Variants in ETV6 observed in about 807,000 individuals in gnomAD.
ETV6 encodes ETS variant transcription factor 6, also known as transcription factor ETV6.
Under a neutral mutation model 51.1 loss-of-function variants are expected in ETV6, and 16 were observed. The ratio of observed to expected loss-of-function variants is 0.31; its 90% CI spans 0.21 to 0.48. The LOEUF is 0.48. Ranked by LOEUF, ETV6 falls within the 20% of genes least tolerant of loss-of-function variation. The probability of loss-of-function intolerance (pLI) is 0.99; values close to 1 mark genes in which losing one functional copy is unlikely to be tolerated. For missense variants in ETV6, 458 were observed against 594.8 expected (o/e 0.77, Z 2.39); for synonymous variants, 240 against 224.1 (o/e 1.07, Z -0.64).
intron 4 of ETV6, among the ~76,000 whole-genome samples, chr12:11,866,651 A>G (rs1489603310): frequency 6.6e-6 from 1 of 152,198 alleles, no homozygotes; most frequent in Non-Finnish European, 1.5e-5. Flanking sequence ...ATTCTGGGGT[A>G]ACAAACAGCC....
chr12:11,746,790 C>CTTTTTT (rs56135545), intron 1 of ETV6, among the ~76,000 whole-genome samples: 1 of 118,682 alleles, frequency 8.4e-6, no homozygotes, highest in African/African-American at 3.1e-5. Flanking sequence ...CTCTCTCTCT[C>CTTTTTT]TTTTTTTTTT....
Position 11,728,365 on chromosome 12 carries a change from A to G in ETV6, c.34-24085A>G, listed in dbSNP as rs567473818. Among the ~76,000 whole-genome samples, 11 of 152,232 alleles carry G rather than the reference A, an allele frequency of 7.2e-5. No homozygotes were observed. In the South Asian group the frequency reaches 1.4e-3, roughly 20 times the overall value. On this transcript the variant is annotated intron_variant, in intron 1 of 7. Coordinates refer to ENST00000396373, the MANE Select transcript of ETV6 (RefSeq NM_001987.5). ...CCTTTTAGGAACTGGGCCGCACAGC[A>G]GGAGGTGAGTGGCGGGCAAGTGAGC...
At chr12:11,714,347 A>G (rs902474868) in intron 1 of ETV6, among the ~76,000 whole-genome samples, 1 of 152,134 alleles carries the variant, frequency 6.6e-6, no homozygotes, top group Non-Finnish European at 1.5e-5. Flanking sequence ...CTCATGTCCA[A>G]CATCTCATGG....
At chr12:11,743,704 C>G (rs1227297139) in intron 1 of ETV6, among the ~76,000 whole-genome samples, 1 of 152,170 alleles carries the variant, frequency 6.6e-6, no homozygotes, top group Admixed American at 6.5e-5. Flanking sequence ...CTAGACATTT[C>G]GAAAAGATAA....
chr12:11,892,461 G>T lies in ETV6; in HGVS notation c.*1415G>T, dbSNP rs1947309702. 4.3e-6 allele frequency: 1 copy of T among 232,166 alleles called. No homozygotes were observed. The highest frequency in any genetic ancestry group is 8.5e-6 in the Non-Finnish European group (1 of 117,820). The allele number at this position is 232,166 out of a possible 1,614,324, so 14.4% of individuals were successfully genotyped here. A position where few individuals can be genotyped will look rare whatever the true frequency, so the allele number is the denominator to read the frequency against. On this transcript the variant is annotated 3_prime_UTR_variant, in exon 8 of 8. Transcript: ENST00000396373. ...TAAGATCGATGGTATCTTGTAAAAT[G>T]AGGGTAGTGCCACTTCTTAGTATTT...
chr12:11,781,310 A>C (rs1021149070), intron 2 of ETV6, among the ~76,000 whole-genome samples: 21 of 152,206 alleles, frequency 1.4e-4, no homozygotes, highest in African/African-American at 5.1e-4. Context: ...GTGTGTATTC[A>C]GTGGGAAGTA....
intron 7 of ETV6, among the ~76,000 whole-genome samples, chr12:11,890,625 A>G (rs967133290): frequency 2.6e-5 from 4 of 151,168 alleles, no homozygotes; most frequent in African/African-American, 4.9e-5. Flanking sequence ...GGGTCTCGCT[A>G]TGTTGCCCAA....
rs183528106 is a variant in ETV6 at position 11,804,248 on chromosome 12, T to C, written c.164-34892T>C. Among the ~76,000 whole-genome samples, 633 of 152,318 alleles carry C rather than the reference T, an allele frequency of 4.2e-3. 5 individuals carry two copies. Among genetic ancestry groups the C allele is most frequent in the African/African-American group, 0.015 (609 of 41,560 alleles). ...GAATTCACACTAGCCAGAGAGCACA[T>C]TGCCCACACAGCATCCAGAGTAATC... On this transcript the variant is annotated intron_variant, in intron 2 of 7. Transcript: ENST00000396373.
At chr12:11,823,576 C>A (rs1197287312) in intron 2 of ETV6, among the ~76,000 whole-genome samples, 2 of 151,074 alleles carry the variant, frequency 1.3e-5, no homozygotes, top group African/African-American at 4.9e-5. Flanking sequence ...AAATGATTCT[C>A]TTGCCTCAGC....
rs907659866 is a variant in ETV6 at position 11,858,822 on chromosome 12, G to A, written c.463+5261G>A. Among the ~76,000 whole-genome samples the A allele has an allele frequency of 7.2e-5, 9 of 124,466 alleles. No individual in the cohort carries two copies. The East Asian group carries it at 1.2e-3, about 17-fold the overall frequency. The allele number at this position is 124,466 out of a possible 152,430, so 81.7% of individuals were successfully genotyped here. ...TTATCACAAGGTAAACATGGAAATC[G>A]CAAGTGATGAGGAGAACTTTCAAGC... On this transcript the variant is annotated intron_variant, in intron 4 of 7. Coordinates refer to ENST00000396373, the MANE Select transcript of ETV6 (RefSeq NM_001987.5).
chr12:11,764,703 G>C (rs1945138913), intron 2 of ETV6, among the ~76,000 whole-genome samples: 1 of 152,188 alleles, frequency 6.6e-6, no homozygotes, highest in Non-Finnish European at 1.5e-5. Context: ...ACCAGAGCTG[G>C]GTGGCCTATG....
intron 5 of ETV6, among the ~76,000 whole-genome samples, chr12:11,872,578 C>T (rs984892517): frequency 4.0e-5 from 6 of 150,916 alleles, no homozygotes; most frequent in African/African-American, 1.2e-4. Flanking sequence ...ATTGCAACCT[C>T]TGCGTCCTAG....
chr12:11,650,380 C>T (rs1434778601), intron 1 of ETV6, among the ~76,000 whole-genome samples: 7 of 145,196 alleles, frequency 4.8e-5, no homozygotes, highest in African/African-American at 1.7e-4. Flanking sequence ...GCTCCTCGGC[C>T]CCCACCCCCT....
intron 2 of ETV6, among the ~76,000 whole-genome samples, chr12:11,796,777 T>TG (rs199766939): frequency 0.035 from 3,579 of 103,708 alleles, 79 homozygotes; most frequent in African/African-American, 0.07. Context: ...TTTTTTTTTT[T>TG]TTTGTGTGTG....
chr12:11,656,303 A>G (rs1033799925), intron 1 of ETV6, among the ~76,000 whole-genome samples: 5 of 152,208 alleles, frequency 3.3e-5, no homozygotes, highest in African/African-American at 1.2e-4. Context: ...TGGGACTCTA[A>G]TTCCAAAGTA....
chr12:11,653,636 G>A (rs984664202), intron 1 of ETV6, among the ~76,000 whole-genome samples: 2 of 151,968 alleles, frequency 1.3e-5, no homozygotes, highest in Non-Finnish European at 2.9e-5. Context: ...GGTGGGAGGA[G>A]GCCAGCCCCC....
At chr12:11,728,281 A>G (rs1865526960) in intron 1 of ETV6, among the ~76,000 whole-genome samples, 1 of 152,176 alleles carries the variant, frequency 6.6e-6, no homozygotes, top group Non-Finnish European at 1.5e-5. Context: ...TACCTCCTGT[A>G]AGAACAGTTT....
rs748921678 is a variant in ETV6, at chr12:11,869,392, G to C, written c.464-32G>C. ...GTTTCCTGTCCTGCCAACTCACTGG[G>C]GTCTGTGATTGTCTTTCCCTCTGCT... On this transcript the variant is annotated intron_variant, in intron 4 of 7. Transcript: ENST00000396373. The surrounding 1 kb of genome is among the most constrained non-coding windows in gnomAD (Gnocchi z 5.0). The C allele has an allele frequency of 6.4e-7, 1 of 1,573,746 alleles. No homozygotes were observed. The highest frequency in any genetic ancestry group is 1.3e-5 in the African/African-American group (1 of 74,344).
At chr12:11,712,519 A>G (rs891327412) in intron 1 of ETV6, among the ~76,000 whole-genome samples, 1 of 152,172 alleles carries the variant, frequency 6.6e-6, no homozygotes, top group Non-Finnish European at 1.5e-5. Context: ...TCTCCAGAGA[A>G]ACAGAACCAA....
Sources: allele counts gnomAD v4.1 joint callset (sites outside exome capture counted in the v4.1 genomes callset), GRCh38; gene constraint gnomAD v4.1.1; non-coding constraint Gnocchi (gnomAD v3.1); transcripts MANE v1.5; gene names NCBI Gene and HGNC (gene_info 2026-07-23, HGNC 2026-07-21).